PCGF5: variants seen among roughly 807,000 people sequenced by gnomAD.
PCGF5 encodes polycomb group ring finger 5.
Under a neutral mutation model 44.3 loss-of-function variants are expected in PCGF5, and 9 were observed. The observed-to-expected ratio is 0.20, with a 90% CI of 0.12 to 0.35. PCGF5 has a LOEUF of 0.35. Among genes scored for constraint, PCGF5 ranks in the 10% least tolerant of loss-of-function variants. PCGF5 has a pLI of 1.00. For missense variants in PCGF5, 146 were observed against 305.3 expected (o/e 0.48, Z 3.89); for synonymous variants, 95 against 102.5 (o/e 0.93, Z 0.44).
At position 91,186,945 on chromosome 10, in the gene PCGF5, C is replaced by T. The variant is rs11186490; in HGVS notation, c.-184+23864C>T. Among the ~76,000 whole-genome samples, 784 of 152,302 alleles carry T rather than the reference C, an allele frequency of 5.1e-3. 8 individuals carry two copies. Among genetic ancestry groups the T allele is most frequent in the African/African-American group, 0.018 (737 of 41,558 alleles). ...CACACAATGCAAGACCAGTGAAAAT[C>T]GCTAGGCCAGTGATTCTCATACTTG... On this transcript the variant is annotated intron_variant, in intron 1 of 9. Coordinates refer to the PCGF5 transcript ENST00000614189.
upstream of PCGF5, among the ~76,000 whole-genome samples, chr10:91,218,284 A>G (rs1193267089): frequency 2.0e-5 from 3 of 152,186 alleles, no homozygotes; most frequent in Non-Finnish European, 4.4e-5. Flanking sequence ...TACATTATTG[A>G]TAAGGGGACT....
intron 9 of PCGF5, among the ~76,000 whole-genome samples, chr10:91,272,556 T>G (rs778121753): frequency 1.3e-5 from 2 of 152,142 alleles, no homozygotes; most frequent in Non-Finnish European, 2.9e-5. Flanking sequence ...GCAGATCTCT[T>G]GAGTCCAGGA....
intron 1 of PCGF5, among the ~76,000 whole-genome samples, chr10:91,201,070 T>C (rs550134100): frequency 2.6e-5 from 4 of 152,294 alleles, no homozygotes; most frequent in Non-Finnish European, 5.9e-5. Context: ...TTTATAAAAG[T>C]GAGAAGAGCT....
rs1034914976 is a variant in PCGF5, at chr10:91,245,323, G to T, written c.210-3182G>T. The stretch of plus-strand genomic sequence containing the variant: ...AATTCATGGTTGGATTTAGCAACAT[G>T]GAGTTCATCAACTTTGAAAAGAGCA... On this transcript the variant is annotated intron_variant, in intron 3 of 9. Coordinates refer to ENST00000336126, the MANE Select transcript of PCGF5 (RefSeq NM_032373.5). 5.3e-5 allele frequency among the ~76,000 whole-genome samples: 8 copies of T among 152,134 alleles called. No homozygotes were observed. In the East Asian group the frequency reaches 1.5e-3, roughly 29 times the overall value.
intron 1 of PCGF5, among the ~76,000 whole-genome samples, chr10:91,190,845 A>G (rs528700280): frequency 6.6e-6 from 1 of 152,310 alleles, no homozygotes; most frequent in East Asian, 1.9e-4. Flanking sequence ...AAATTTAGAA[A>G]CTATTTCACA....
chr10:91,170,133 A>G (rs1232060306), intron 1 of PCGF5, among the ~76,000 whole-genome samples: 2 of 152,240 alleles, frequency 1.3e-5, no homozygotes, highest in Non-Finnish European at 2.9e-5. Context: ...AATTAATTCA[A>G]AATGGATCAC....
chr10:91,168,515 T>C (rs947591979), intron 1 of PCGF5, among the ~76,000 whole-genome samples: 1 of 152,138 alleles, frequency 6.6e-6, no homozygotes, highest in African/African-American at 2.4e-5. Flanking sequence ...TGAAGAATGC[T>C]GGCTTGGGAA....
At chr10:91,252,843 A>C (rs1264751556) in intron 6 of PCGF5, among the ~76,000 whole-genome samples, 2 of 152,082 alleles carry the variant, frequency 1.3e-5, no homozygotes, top group African/African-American at 4.8e-5. Context: ...AAAGTATAAA[A>C]GATTGAATTT....
chr10:91,251,169 T>G, intron 5 of PCGF5, 123 bp from the exon 6 acceptor site: 1 of 671,916 alleles, frequency 1.5e-6, no homozygotes, highest in South Asian at 2.3e-5. Context: ...TACTAAGTTC[T>G]TCTTCAAAAA....
intron 1 of PCGF5, among the ~76,000 whole-genome samples, chr10:91,179,001 A>G (rs969720906): frequency 2.0e-5 from 3 of 152,202 alleles, no homozygotes; most frequent in African/African-American, 7.2e-5. Context: ...CAAGATTCTG[A>G]CTTACTTGAC....
chr10:91,210,933 G>T (rs949883050), intron 1 of PCGF5, among the ~76,000 whole-genome samples: 5 of 152,148 alleles, frequency 3.3e-5, no homozygotes, highest in Non-Finnish European at 5.9e-5. Context: ...AGAATTATCA[G>T]ACAGGTGAGC....
chr10:91,274,117 G>GTATA (rs10686374), intron 9 of PCGF5, among the ~76,000 whole-genome samples: 277 of 151,496 alleles, frequency 1.8e-3, no homozygotes, highest in African/African-American at 6.3e-3. Context: ...ATCTGTGTAT[G>GTATA]TATATATATA....
intron 1 of PCGF5, among the ~76,000 whole-genome samples, chr10:91,177,611 G>C (rs746638556): frequency 6.6e-6 from 1 of 152,132 alleles, no homozygotes; most frequent in African/African-American, 2.4e-5. Flanking sequence ...AATGGTGGGC[G>C]CCCGTCCCCC....
the PCGF5 span, among the ~76,000 whole-genome samples, chr10:91,156,648 G>T: frequency 6.6e-6 from 1 of 152,096 alleles, no homozygotes; most frequent in African/African-American, 2.4e-5. Context: ...TAATATTAAG[G>T]ATATTATGAA....
At chr10:91,201,862 T>C (rs921080478) in intron 1 of PCGF5, among the ~76,000 whole-genome samples, 18 of 152,170 alleles carry the variant, frequency 1.2e-4, no homozygotes, top group African/African-American at 3.9e-4. Context: ...GAACATTTAG[T>C]TAAGGTTCTG....
intron 1 of PCGF5, among the ~76,000 whole-genome samples, chr10:91,207,620 CAAT>C (rs576177384): frequency 2.0e-4 from 31 of 152,250 alleles, no homozygotes; most frequent in Admixed American, 1.0e-3. Context: ...ATAACCGTAA[CAAT>C]AATGAAGTCC....
intron 1 of PCGF5, among the ~76,000 whole-genome samples, chr10:91,198,642 G>A (rs575737595): frequency 6.6e-6 from 1 of 152,190 alleles, no homozygotes; most frequent in Non-Finnish European, 1.5e-5. Flanking sequence ...CTTCTTGGGA[G>A]TTTTCTGTAA....
chr10:91,216,832 A>T (rs2133262414), upstream of PCGF5, among the ~76,000 whole-genome samples: 1 of 152,322 alleles, frequency 6.6e-6, no homozygotes, highest in East Asian at 1.9e-4. Flanking sequence ...ATTTTAGGCA[A>T]ACATAGATTT....
upstream of PCGF5, chr10:91,162,979 G>T (rs2133148451): frequency 6.9e-6 from 1 of 144,802 alleles, no homozygotes; most frequent in South Asian, 2.1e-4. Flanking sequence ...GCCCCGCCCC[G>T]CCCCCGCCGG....
Sources: allele counts gnomAD v4.1 joint callset (sites outside exome capture counted in the v4.1 genomes callset), GRCh38; gene constraint gnomAD v4.1.1; transcripts MANE v1.5; gene names NCBI Gene and HGNC (gene_info 2026-07-23, HGNC 2026-07-21).